ATP2B1: variants seen among roughly 807,000 people sequenced by gnomAD.
ATP2B1 encodes plasma membrane calcium-transporting ATPase 1.
ATP2B1 carries 14 observed loss-of-function variants against 124.2 expected under a neutral mutation model. The observed-to-expected ratio is 0.11, with a 90% CI of 0.07 to 0.18. The LOEUF (loss-of-function observed/expected upper bound fraction) is 0.18. Among genes scored for constraint, ATP2B1 ranks in the 10% least tolerant of loss-of-function variants. The probability of loss-of-function intolerance (pLI) is 1.00; values close to 1 mark genes in which losing one functional copy is unlikely to be tolerated. For synonymous variants in ATP2B1, 449 were observed against 492.4 expected (o/e 0.91, Z 1.17); for missense variants, 763 against 1,466.1 (o/e 0.52, Z 7.83).
intron 6 of ATP2B1, among the ~76,000 whole-genome samples, 167 bp from the exon 7 acceptor site, chr12:89,627,883 C>G (rs1445336103): frequency 6.6e-6 from 1 of 152,180 alleles, no homozygotes; most frequent in Non-Finnish European, 1.5e-5. Context: ...CAATCACTCC[C>G]TAAGTCTTAC....
intron 11 of ATP2B1, among the ~76,000 whole-genome samples, chr12:89,619,623 A>AAG (rs1213403391): frequency 1.3e-5 from 2 of 151,266 alleles, no homozygotes; most frequent in Non-Finnish European, 1.5e-5. Context: ...ACAAATAAAA[A>AAG]AAAAAAAAAA....
At chr12:89,628,401 C>CAAAAAA (rs567077317) in intron 6 of ATP2B1, among the ~76,000 whole-genome samples, 3 of 79,612 alleles carry the variant, frequency 3.8e-5, no homozygotes, top group African/African-American at 5.1e-5. Context: ...GACTCCGTCT[C>CAAAAAA]AAAAAAAAAA....
intron 1 of ATP2B1, among the ~76,000 whole-genome samples, chr12:89,691,986 G>A (rs956092063): frequency 3.3e-5 from 5 of 152,072 alleles, no homozygotes; most frequent in African/African-American, 1.2e-4. Context: ...AAAGGATGGT[G>A]TTTCCTTTTC....
intron 1 of ATP2B1, among the ~76,000 whole-genome samples, chr12:89,676,723 A>C (rs914666980): frequency 2.0e-5 from 3 of 152,164 alleles, no homozygotes; most frequent in Non-Finnish European, 4.4e-5. Flanking sequence ...ACTGAGTATA[A>C]AAATTGCAAA....
chr12:89,680,544 T>C (rs1049564158), intron 1 of ATP2B1, among the ~76,000 whole-genome samples: 2 of 152,046 alleles, frequency 1.3e-5, no homozygotes, highest in Non-Finnish European at 2.9e-5. Context: ...AATAAGAGAA[T>C]GAAAATTAGA....
intron 5 of ATP2B1, among the ~76,000 whole-genome samples, chr12:89,632,463 G>C (rs1467866605): frequency 1.3e-5 from 2 of 152,156 alleles, no homozygotes; most frequent in Non-Finnish European, 2.9e-5. Context: ...TATAATTCAA[G>C]ATAGTGAAAA....
Position 89,626,600 on chromosome 12 carries a change from C to G in ATP2B1, c.983G>C (p.Gly328Ala), listed in dbSNP as rs1880907740. 6.3e-7 allele frequency: 1 copy of G among 1,598,386 alleles called. No homozygotes were observed. Among genetic ancestry groups the G allele is most frequent in the Non-Finnish European group, 8.5e-7 (1 of 1,175,928 alleles). The change falls in exon 8 of 21, where the codon GGT becomes GCT. Residue 328 changes from glycine (G) to alanine (A), a missense_variant. Gly to Ala is a moderately conservative substitution (Grantham distance 60). Around this residue, in one of 7 missense-constraint regions of ATP2B1, gnomAD observed 392 missense variants for 776.6 expected, o/e 0.50. Coordinates refer to ENST00000428670, the MANE Select transcript of ATP2B1 (RefSeq NM_001366521.1). ...ENRNKAKAQD[G>A]AAMEMQPLKS... ...CAATGGCTGCATTTCCATGGCTGCACCATCCTGGGCTTTTGCTACATTTAA... is the reference window on the plus strand; with the variant it reads ...CAATGGCTGCATTTCCATGGCTGCAGCATCCTGGGCTTTTGCTACATTTAA...
intron 2 of ATP2B1, among the ~76,000 whole-genome samples, chr12:89,642,647 C>T (rs973616967): frequency 6.6e-6 from 1 of 152,120 alleles, no homozygotes; most frequent in African/African-American, 2.4e-5. Context: ...CTCTGTCACC[C>T]AGGCTGGCGT....
intron 18 of ATP2B1, 148 bp from the exon 19 acceptor site, chr12:89,601,581 GACA>G: frequency 2.2e-6 from 1 of 463,458 alleles, no homozygotes; most frequent in Non-Finnish European, 3.7e-6. Flanking sequence ...CTGAAAATAA[GACA>G]ACTGAAATAG....
intron 1 of ATP2B1, 24 bp downstream of exon 1, chr12:89,708,572 G>C (rs1274457507): frequency 6.6e-6 from 1 of 151,606 alleles, no homozygotes; most frequent in Non-Finnish European, 1.5e-5. Context: ...CCCCGGCCGC[G>C]GGCGGGCGGC....
At position 89,603,675 on chromosome 12, in the gene ATP2B1, CAATT is replaced by C. The variant is rs1309435363; in HGVS notation, c.2848+33_2848+36del. The C allele has an allele frequency of 2.9e-5, 46 of 1,583,548 alleles. No individual in the cohort carries two copies. The highest frequency in any genetic ancestry group is 3.5e-5 in the Non-Finnish European group (40 of 1,153,408). On this transcript the variant is annotated intron_variant, in intron 17 of 20. Transcript: ENST00000428670. The surrounding 1 kb of genome is among the most constrained non-coding windows in gnomAD (Gnocchi z 4.3). ...TTGGATGATTAGCTTGGAAAAGAAACAATTAACTGAAGCTTTATTAGACACTGAA... is the reference window on the plus strand; with the variant it reads ...TTGGATGATTAGCTTGGAAAAGAAACAACTGAAGCTTTATTAGACACTGAA...
intron 19 of ATP2B1, among the ~76,000 whole-genome samples, chr12:89,600,397 A>G (rs774989422): frequency 4.6e-5 from 7 of 152,194 alleles, no homozygotes; most frequent in Non-Finnish European, 8.8e-5. Flanking sequence ...TGAACAATGC[A>G]TAAATCACTG....
chr12:89,609,892 C>G, intron 15 of ATP2B1, 45 bp downstream of exon 15: 1 of 1,540,330 alleles, frequency 6.5e-7, no homozygotes. Flanking sequence ...ACAAACAAAC[C>G]AGTCAGTAAA....
At chr12:89,682,466 A>G (rs1045039795) in intron 1 of ATP2B1, among the ~76,000 whole-genome samples, 4 of 152,226 alleles carry the variant, frequency 2.6e-5, no homozygotes, top group African/African-American at 9.6e-5. Context: ...AATACACTGT[A>G]AAGTCCCTAT....
chr12:89,662,370 A>G (rs1173851983), intron 1 of ATP2B1, among the ~76,000 whole-genome samples: 1 of 152,186 alleles, frequency 6.6e-6, no homozygotes, highest in East Asian at 1.9e-4. Flanking sequence ...CAGATGGTCT[A>G]TTATTATACA....
At chr12:89,691,731 A>G (rs1890578369) in intron 1 of ATP2B1, among the ~76,000 whole-genome samples, 2 of 152,152 alleles carry the variant, frequency 1.3e-5, no homozygotes, top group South Asian at 4.1e-4. Context: ...TTCCGACTCA[A>G]ATAATCATTC....
intron 1 of ATP2B1, among the ~76,000 whole-genome samples, chr12:89,686,123 A>G (rs1889944844): frequency 1.3e-5 from 2 of 152,260 alleles, no homozygotes; most frequent in Middle Eastern, 6.8e-3. Flanking sequence ...GTATGGAATG[A>G]AAACACTACC....
intron 1 of ATP2B1, among the ~76,000 whole-genome samples, chr12:89,687,302 C>T (rs547546034): frequency 6.6e-5 from 10 of 152,202 alleles, no homozygotes; most frequent in African/African-American, 2.4e-4. Flanking sequence ...ATATTTAGTA[C>T]AGTAACATGC....
chr12:89,671,311 C>A (rs752155255), intron 1 of ATP2B1, among the ~76,000 whole-genome samples: 3 of 152,082 alleles, frequency 2.0e-5, no homozygotes, highest in African/African-American at 7.2e-5. Context: ...CTTCTAAGGA[C>A]GATCATTAGA....
Sources: gnomAD v4.1 joint callset for allele counts (sites outside exome capture counted in the v4.1 genomes callset) on GRCh38, gnomAD v4.1.1 for gene constraint, gnomAD v4.1.1 regional missense constraint, Gnocchi (gnomAD v3.1) non-coding constraint, MANE v1.5 for transcripts, NCBI Gene and HGNC (gene_info 2026-07-23, HGNC 2026-07-21) for gene names.